The following GPR89B variants were observed in gnomAD, a reference collection of about 807,000 sequenced individuals.
GPR89B encodes the protein G protein-coupled receptor 89B.
A neutral mutation model predicts 52.4 loss-of-function variants in GPR89B; 25 were observed. The observed-to-expected ratio is 0.48, with a 90% CI of 0.35 to 0.67. The LOEUF is 0.67. Ranked by LOEUF, GPR89B falls within the 30% of genes least tolerant of loss-of-function variation. GPR89B has a pLI of 0.01. For missense variants in GPR89B, 146 were observed against 450.2 expected, an observed-to-expected ratio of 0.32 and a Z score of 6.11; for synonymous variants, 52 against 151.2, an observed-to-expected ratio of 0.34 and a Z score of 4.81.
At chr1:148,019,079 G>A in the GPR89B span, among the ~76,000 whole-genome samples, 5 of 150,470 alleles carry the variant, frequency 3.3e-5, no homozygotes, top group Admixed American at 1.3e-4. Flanking sequence ...CAGGTTCAAG[G>A]GATTCTTCTG....
At chr1:147,950,669 G>A (rs1166197664) in intron 5 of GPR89B, among the ~76,000 whole-genome samples, 7 of 152,328 alleles carry the variant, frequency 4.6e-5, no homozygotes, top group South Asian at 2.1e-4. Context: ...ACCAGACTCC[G>A]TCTGCAATCC....
At chr1:147,937,381 G>A (rs587639355) in intron 2 of GPR89B, among the ~76,000 whole-genome samples, 86 of 152,276 alleles carry the variant, frequency 5.6e-4, no homozygotes, top group African/African-American at 1.9e-3. Context: ...GTCCCACTGT[G>A]CACACATTGT....
intron 12 of GPR89B, among the ~76,000 whole-genome samples, chr1:147,991,632 TAA>T (rs1187807169): frequency 6.6e-6 from 1 of 152,200 alleles, no homozygotes; most frequent in African/African-American, 2.4e-5. Context: ...CATCAATACC[TAA>T]TTTATTGAGT....
chr1:147,942,621 A>G (rs1341384654), intron 3 of GPR89B, among the ~76,000 whole-genome samples: 2 of 148,494 alleles, frequency 1.3e-5, no homozygotes, highest in East Asian at 2.0e-4. Flanking sequence ...ATATTGTTCA[A>G]CCATAAAAGG....
At position 147,954,521 on chromosome 1, in the gene GPR89B, A is replaced by G. The variant is rs1405089379; in HGVS notation, c.617+119A>G. 2.7e-5 allele frequency: 4 copies of G among 150,032 alleles called. No homozygotes were observed. In the East Asian group the frequency reaches 7.9e-4, roughly 30 times the overall value. 9.3% of individuals were successfully genotyped at this position (150,032 alleles called of 1,614,324 possible). On this transcript the variant is annotated intron_variant, in intron 7 of 13. Coordinates refer to ENST00000314163, the MANE Select transcript of GPR89B (RefSeq NM_016334.5). ...ATTCATTTTTACTATAAGGTAAAGT[A>G]CCAGATTTAGTGTTGGCTGGACACA...
At chr1:148,001,744 G>A in the GPR89B span, among the ~76,000 whole-genome samples, 17 of 150,472 alleles carry the variant, frequency 1.1e-4, no homozygotes, top group Admixed American at 4.6e-4. Flanking sequence ...ACAATGAAGG[G>A]GTCTTAACGA....
chr1:147,965,389 A>G (rs1169291869), intron 7 of GPR89B, among the ~76,000 whole-genome samples: 10 of 151,776 alleles, frequency 6.6e-5, no homozygotes, highest in Admixed American at 5.9e-4. Flanking sequence ...TCCCAAAAAT[A>G]TCCACCTTGA....
the GPR89B span, chr1:148,021,795 C>T: frequency 1.3e-5 from 2 of 149,400 alleles, no homozygotes; most frequent in Non-Finnish European, 3.0e-5. Context: ...TCTCTTTAAG[C>T]AGTGTGGTGG....
At chr1:148,009,888 G>T in the GPR89B span, among the ~76,000 whole-genome samples, 16 of 152,094 alleles carry the variant, frequency 1.1e-4, no homozygotes, top group Admixed American at 7.9e-4. Context: ...GCTAAGAAAG[G>T]TATGTAAGCT....
chr1:147,933,066 A>G (rs1653784415), intron 1 of GPR89B, among the ~76,000 whole-genome samples: 2 of 152,228 alleles, frequency 1.3e-5, no homozygotes, highest in African/African-American at 4.8e-5. Flanking sequence ...TAAATGCTCA[A>G]TAAAAGTTAC....
chr1:147,978,396 C>T (rs1407399712), intron 10 of GPR89B, among the ~76,000 whole-genome samples: 3 of 151,722 alleles, frequency 2.0e-5, no homozygotes, highest in East Asian at 1.9e-4. Context: ...GACCTGATGC[C>T]GGCAGGAACG....
At chr1:147,937,680 GCCCAA>G (rs782168732) in intron 2 of GPR89B, among the ~76,000 whole-genome samples, 71 of 152,220 alleles carry the variant, frequency 4.7e-4, no homozygotes, top group Non-Finnish European at 8.7e-4. Flanking sequence ...ACTCTATTCT[GCCCAA>G]CCCTGCAAGC....
chr1:148,021,644 C>T, the GPR89B span, among the ~76,000 whole-genome samples: 2 of 151,696 alleles, frequency 1.3e-5, no homozygotes, highest in Non-Finnish European at 2.9e-5. Flanking sequence ...TCGAGGAAGG[C>T]CCAGTCTTTG....
At chr1:148,019,816 C>G in the GPR89B span, among the ~76,000 whole-genome samples, 1 of 151,924 alleles carries the variant, frequency 6.6e-6, no homozygotes, top group Non-Finnish European at 1.5e-5. Context: ...CCTTGGGTGG[C>G]CGACCAGGGC....
chr1:148,015,831 T>G, the GPR89B span, among the ~76,000 whole-genome samples: 5 of 151,080 alleles, frequency 3.3e-5, no homozygotes, highest in East Asian at 9.8e-4. Context: ...TACTCCATCA[T>G]AGTGTTCACA....
At chr1:147,949,050 C>T (rs1324615818) in intron 5 of GPR89B, among the ~76,000 whole-genome samples, 4 of 152,078 alleles carry the variant, frequency 2.6e-5, no homozygotes, top group African/African-American at 7.2e-5. Context: ...GGACACAGCA[C>T]ATGTTTCAGA....
chr1:147,993,156 GA>G lies in GPR89B; in HGVS notation c.*240del, dbSNP rs1241281465. On this transcript the variant is annotated 3_prime_UTR_variant, in exon 14 of 14. Coordinates refer to ENST00000314163, the MANE Select transcript of GPR89B (RefSeq NM_016334.5). ...TACTCAGCAGAGAGCATCCCGTGTGGATATGAGGCTGGTGTAGAGGCGGAGA... is the reference window on the plus strand; with the variant it reads ...TACTCAGCAGAGAGCATCCCGTGTGGTATGAGGCTGGTGTAGAGGCGGAGA... 6.9e-6 allele frequency: 7 copies of G among 1,017,630 alleles called. No individual in the cohort carries two copies. The highest frequency in any genetic ancestry group is 1.6e-5 in the African/African-American group (1 of 61,506). The allele number at this position is 1,017,630 out of a possible 1,614,324, so 63.0% of individuals were successfully genotyped here.
In GPR89B at chr1:147,968,701, C is replaced by T. The variant is rs1657207782; in HGVS notation, c.728-174C>T. 10 of 817,260 alleles carry T rather than the reference C, an allele frequency of 1.2e-5. No individual in the cohort carries two copies. In the Middle Eastern group the frequency reaches 1.1e-3, roughly 88 times the overall value. 50.6% of individuals were successfully genotyped at this position (817,260 alleles called of 1,614,324 possible). ...TGATGGAGAAGCTTTTACACACCTG[C>T]GTCAGAGGTTGGGAAAGTTGCTCTG... On this transcript the variant is annotated intron_variant, in intron 8 of 13. Coordinates refer to ENST00000314163, the MANE Select transcript of GPR89B (RefSeq NM_016334.5).
At chr1:147,990,034 G>A (rs1658947604) in intron 12 of GPR89B, among the ~76,000 whole-genome samples, 1 of 152,304 alleles carries the variant, frequency 6.6e-6, no homozygotes, top group South Asian at 2.1e-4. Context: ...TTGAGGAATC[G>A]CCACACTGCC....
Sources: allele counts gnomAD v4.1 joint callset (sites outside exome capture counted in the v4.1 genomes callset), GRCh38; gene constraint gnomAD v4.1.1; transcripts MANE v1.5; gene names NCBI Gene and HGNC (gene_info 2026-07-23, HGNC 2026-07-21).